The following TACC2 variants were observed in gnomAD, a reference collection of about 807,000 sequenced individuals.
TACC2 encodes the protein transforming acidic coiled-coil-containing protein 2.
TACC2 carries 137 observed loss-of-function variants against 227.3 expected under a neutral mutation model. That is an observed-to-expected ratio of 0.60 (90% CI 0.52 to 0.69). TACC2 has a LOEUF of 0.69. Ranked by LOEUF, TACC2 falls within the 30% of genes least tolerant of loss-of-function variation. The pLI is 0.00. For missense variants in TACC2, 3,470 were observed against 3,694.4 expected (o/e 0.94, Z 1.57); for synonymous variants, 1,523 against 1,487.5 (o/e 1.02, Z -0.55).
At chr10:122,096,239 G>T (rs2081373832) in intron 5 of TACC2, among the ~76,000 whole-genome samples, 1 of 152,174 alleles carries the variant, frequency 6.6e-6, no homozygotes, top group African/African-American at 2.4e-5. Flanking sequence ...CATTGCACCT[G>T]GGGGCTTGGC....
chr10:122,058,980 C>A (rs1264111243), intron 3 of TACC2, among the ~76,000 whole-genome samples: 1 of 151,366 alleles, frequency 6.6e-6, no homozygotes, highest in East Asian at 1.9e-4. Flanking sequence ...GCAACCTCCA[C>A]CTCCCGGGTT....
chr10:122,079,961 G>C (rs1444380632), intron 3 of TACC2, among the ~76,000 whole-genome samples: 2 of 152,182 alleles, frequency 1.3e-5, no homozygotes, highest in African/African-American at 2.4e-5. Flanking sequence ...GAAAGGATGG[G>C]ACAGTAAATA....
At position 122,150,672 on chromosome 10, in the gene TACC2, C is replaced by T. The variant is rs139908759; in HGVS notation, c.5834+6966C>T. Among the ~76,000 whole-genome samples, 7 of 152,274 alleles carry T rather than the reference C, an allele frequency of 4.6e-5. No individual in the cohort carries two copies. The highest frequency in any genetic ancestry group is 8.8e-5 in the Non-Finnish European group (6 of 68,016). ...AGGTGGGGTAGGATGGGATATGGTA[C>T]GAGCATGTGCGGCTCAGGACCCCAC... On this transcript the variant is annotated intron_variant, in intron 7 of 22. Transcript: ENST00000369005. The surrounding 1 kb of genome is among the most constrained non-coding windows in gnomAD (Gnocchi z 4.0).
chr10:122,036,888 A>C (rs1375555776), intron 2 of TACC2, among the ~76,000 whole-genome samples: 1 of 152,170 alleles, frequency 6.6e-6, no homozygotes, highest in Non-Finnish European at 1.5e-5. Flanking sequence ...ACCATTTTAC[A>C]TTTCCACTAG....
intron 7 of TACC2, among the ~76,000 whole-genome samples, chr10:122,166,118 T>G (rs1382480293): frequency 6.6e-6 from 1 of 152,164 alleles, no homozygotes; most frequent in Non-Finnish European, 1.5e-5. Context: ...GCTGCAGGGA[T>G]GGTGACAAAC....
intron 5 of TACC2, among the ~76,000 whole-genome samples, chr10:122,108,227 T>A (rs1156318570): frequency 6.6e-6 from 1 of 152,028 alleles, no homozygotes; most frequent in Non-Finnish European, 1.5e-5. Context: ...TCCACATAGC[T>A]TAGCTCCCAC....
At position 122,205,698 on chromosome 10, in the gene TACC2, G is replaced by A. The variant is rs947810492; in HGVS notation, c.5972-4699G>A. On this transcript the variant is annotated intron_variant, in intron 8 of 22. Transcript: ENST00000369005. This position sits in a 1 kb window ranked among gnomAD's most constrained non-coding sequence, Gnocchi z 4.5. Reference sequence around the variant, plus strand: ...CCCCACCCCAGCCCTGCAGAAGGAAGTGCTGCTCTGCAGAGGAAGGGGCGG... The same window carrying A: ...CCCCACCCCAGCCCTGCAGAAGGAAATGCTGCTCTGCAGAGGAAGGGGCGG... Among the ~76,000 whole-genome samples, 1 of 152,202 alleles carries A rather than the reference G, an allele frequency of 6.6e-6. No homozygotes were observed. Among genetic ancestry groups the A allele is most frequent in the African/African-American group, 2.4e-5 (1 of 41,452 alleles).
rs367976637 is a variant in TACC2 at position 122,083,191 on chromosome 10, G to T, written c.691G>T (p.Ala231Ser). Residue 231 changes from alanine (A) to serine (S), a missense_variant, in exon 4 of 23, where the codon GCA (alanine) becomes TCA (serine). Physicochemically the swap from Ala to Ser is moderately conservative, Grantham distance 99. This residue lies in a region of TACC2 where 405 missense variants were observed against 389.6 expected (regional missense o/e 1.04). Coordinates refer to ENST00000369005, the MANE Select transcript of TACC2 (RefSeq NM_206862.4). The stretch of plus-strand genomic sequence containing the variant: ...TTTTGAGTCCCAAGAGAAAGAGGCT[G>T]CAGGTGGCTTTCCCCCTGCAGAGTC... ...GGFESQEKEA[A>S]GGFPPAESRQ... The T allele has an allele frequency of 3.7e-5, 59 of 1,613,294 alleles. 1 individual carries two copies. The highest frequency in any genetic ancestry group is 9.3e-5 in the African/African-American group (7 of 74,926).
In TACC2 at chr10:122,050,516, A is replaced by C; in HGVS notation, c.112A>C (p.Thr38Pro). ...GAATATAAAAAGGAAGCAGCAGGACACGCCCGGAAGCCCTGACCACAGAGA... is the reference window on the plus strand; with the variant it reads ...GAATATAAAAAGGAAGCAGCAGGACCCGCCCGGAAGCCCTGACCACAGAGA... ...SQNIKRKQQD[T>P]PGSPDHRDAS... is the part of the protein sequence containing the mutation. The change falls in exon 3 of 23, where the codon ACG becomes CCG. Residue 38 changes from threonine (T) to proline (P), a missense_variant. Physicochemically the swap from Thr to Pro is conservative, Grantham distance 38. Transcript: ENST00000369005. This position sits in a 1 kb window ranked among gnomAD's most constrained non-coding sequence, Gnocchi z 4.6. The C allele has an allele frequency of 6.2e-7, 1 of 1,614,040 alleles. No homozygotes were observed. Among genetic ancestry groups the C allele is most frequent in the South Asian group, 1.1e-5 (1 of 91,064 alleles).
chr10:122,187,186 A>G (rs752116903), intron 7 of TACC2, among the ~76,000 whole-genome samples: 11 of 152,244 alleles, frequency 7.2e-5, no homozygotes, highest in Non-Finnish European at 1.5e-4. Context: ...CAGCAGACAC[A>G]TGTATGCACA....
intron 5 of TACC2, among the ~76,000 whole-genome samples, chr10:122,102,170 C>G (rs1350518235): frequency 6.6e-6 from 1 of 152,104 alleles, no homozygotes. Context: ...TCAACATTGG[C>G]TGCACACTGA....
intron 3 of TACC2, among the ~76,000 whole-genome samples, chr10:122,075,378 T>C (rs2078680129): frequency 6.6e-6 from 1 of 151,894 alleles, no homozygotes; most frequent in Admixed American, 6.6e-5. Context: ...ACGTGGCAAA[T>C]AGCTGCGAGA....
intron 2 of TACC2, among the ~76,000 whole-genome samples, chr10:122,044,355 T>G (rs2074717237): frequency 6.6e-6 from 1 of 152,248 alleles, no homozygotes; most frequent in African/African-American, 2.4e-5. Context: ...CTAGCAGAAC[T>G]GGTGTGAGCA....
intron 3 of TACC2, among the ~76,000 whole-genome samples, chr10:122,062,373 C>G (rs2076933614): frequency 6.6e-6 from 1 of 151,694 alleles, no homozygotes; most frequent in Non-Finnish European, 1.5e-5. Context: ...ATGACGCCAT[C>G]TTGGCTAACC....
chr10:122,155,034 C>T (rs1242650360), intron 7 of TACC2, among the ~76,000 whole-genome samples: 10 of 152,236 alleles, frequency 6.6e-5, no homozygotes, highest in Non-Finnish European at 1.5e-5. Flanking sequence ...AAGAAATTTA[C>T]CCCAGATGCT....
chr10:122,183,176 G>T (rs1459284247), intron 7 of TACC2, among the ~76,000 whole-genome samples: 1 of 151,736 alleles, frequency 6.6e-6, no homozygotes, highest in Non-Finnish European at 1.5e-5. Context: ...CTGCACTCCA[G>T]CCTGGGTAAC....
intron 3 of TACC2, among the ~76,000 whole-genome samples, chr10:122,061,065 T>G (rs931680714): frequency 6.8e-6 from 1 of 147,120 alleles, no homozygotes; most frequent in Non-Finnish European, 1.5e-5. Flanking sequence ...ATCCCAGCAC[T>G]CTGGGAGGCC....
chr10:122,244,354 G>A (rs1411027469), intron 19 of TACC2, among the ~76,000 whole-genome samples: 2 of 152,268 alleles, frequency 1.3e-5, no homozygotes, highest in African/African-American at 4.8e-5. Flanking sequence ...CTGTGTGTCC[G>A]TTCCCCGATC....
In TACC2 at chr10:122,216,839, C is replaced by T. The variant is rs1193296515; in HGVS notation, c.7546+11C>T. ...GTTCACCCACTGAGGGTAAGCAACT[C>T]TGTAGCCAGCTGGACCCCCACTCTG... is the stretch of plus-strand genomic sequence containing the variant. On this transcript the variant is annotated intron_variant, in intron 11 of 22. Transcript: ENST00000369005. 6.2e-7 allele frequency: 1 copy of T among 1,614,190 alleles called. No homozygotes were observed. Among genetic ancestry groups the T allele is most frequent in the Non-Finnish European group, 8.5e-7 (1 of 1,180,038 alleles).
Sources: gnomAD v4.1 joint callset for allele counts (sites outside exome capture counted in the v4.1 genomes callset) on GRCh38, gnomAD v4.1.1 for gene constraint, gnomAD v4.1.1 regional missense constraint, Gnocchi (gnomAD v3.1) non-coding constraint, MANE v1.5 for transcripts, NCBI Gene and HGNC (gene_info 2026-07-23, HGNC 2026-07-21) for gene names.